The following SLC5A12 variants were observed in gnomAD, a reference collection of about 807,000 sequenced individuals.
SLC5A12 encodes sodium-coupled monocarboxylate transporter 2.
SLC5A12 carries 46 observed loss-of-function variants against 72.7 expected under a neutral mutation model. The observed-to-expected ratio is 0.63, with a 90% CI of 0.50 to 0.81. The LOEUF is 0.81. SLC5A12 is among the 30% of genes least tolerant of loss of function. The probability of loss-of-function intolerance (pLI) is 0.00; values close to 1 mark genes in which losing one functional copy is unlikely to be tolerated. For missense variants in SLC5A12, 683 were observed against 740.7 expected (o/e 0.92, Z 0.90); for synonymous variants, 275 against 264.4 (o/e 1.04, Z -0.39).
chr11:26,681,373 A>G, intron 11 of SLC5A12, 152 bp from the exon 12 acceptor site: 3 of 538,886 alleles, frequency 5.6e-6, no homozygotes, highest in Non-Finnish European at 9.3e-6. Flanking sequence ...AACTGCCTTC[A>G]CCTCAACTCC....
At chr11:26,719,003 C>T (rs1420454007) in intron 1 of SLC5A12, among the ~76,000 whole-genome samples, 1 of 152,010 alleles carries the variant, frequency 6.6e-6, no homozygotes, top group Non-Finnish European at 1.5e-5. Flanking sequence ...AATACTTGTA[C>T]TAATTTATTA....
intron 8 of SLC5A12, among the ~76,000 whole-genome samples, chr11:26,696,326 T>C (rs1854811832): frequency 6.6e-6 from 1 of 152,230 alleles, no homozygotes; most frequent in Non-Finnish European, 1.5e-5. Context: ...TGAATGATTT[T>C]GTATTTAGAA....
intron 6 of SLC5A12, among the ~76,000 whole-genome samples, chr11:26,702,047 T>A (rs1854969625): frequency 6.6e-6 from 1 of 152,194 alleles, no homozygotes; most frequent in African/African-American, 2.4e-5. Flanking sequence ...CAAAGAATCA[T>A]TATTTATTTT....
At chr11:26,701,565 T>C (rs1854958542) in intron 6 of SLC5A12, among the ~76,000 whole-genome samples, 1 of 152,332 alleles carries the variant, frequency 6.6e-6, no homozygotes, top group South Asian at 2.1e-4. Flanking sequence ...ACTACTTTAC[T>C]AAATCAGGTT....
At chr11:26,682,972 C>T (rs903468607) in intron 11 of SLC5A12, among the ~76,000 whole-genome samples, 1 of 152,034 alleles carries the variant, frequency 6.6e-6, no homozygotes. Context: ...GCCACAGAGA[C>T]CTAATCAAGT....
chr11:26,671,364 G>C, intron 14 of SLC5A12, 113 bp from the exon 15 acceptor site: 242 of 787,330 alleles, frequency 3.1e-4, no homozygotes, highest in East Asian at 4.2e-4. Flanking sequence ...ATGTACAAAA[G>C]AAGCATAAAC....
At chr11:26,680,791 C>G (rs564654553) in intron 12 of SLC5A12, among the ~76,000 whole-genome samples, 1 of 152,176 alleles carries the variant, frequency 6.6e-6, no homozygotes, top group East Asian at 1.9e-4. Flanking sequence ...TGTCTTTGAA[C>G]CCTCCACTAT....
At chr11:26,710,913 G>T (rs1007670444) in intron 3 of SLC5A12, among the ~76,000 whole-genome samples, 2 of 151,752 alleles carry the variant, frequency 1.3e-5, no homozygotes, top group Admixed American at 1.3e-4. Flanking sequence ...ATAAATTTTA[G>T]TGTAACTATT....
chr11:26,703,267 A>G (rs941991468), intron 6 of SLC5A12, among the ~76,000 whole-genome samples: 3 of 152,104 alleles, frequency 2.0e-5, no homozygotes, highest in Non-Finnish European at 4.4e-5. Context: ...TAATTTCTCA[A>G]TAAATGGAGG....
intron 13 of SLC5A12, among the ~76,000 whole-genome samples, chr11:26,677,058 T>C (rs1854283031): frequency 6.6e-6 from 1 of 151,752 alleles, no homozygotes; most frequent in Admixed American, 6.6e-5. Context: ...GAAGATTTGT[T>C]AAAGCCTCTT....
intron 3 of SLC5A12, among the ~76,000 whole-genome samples, chr11:26,710,417 G>A (rs375331309): frequency 1.4e-4 from 22 of 152,102 alleles, no homozygotes; most frequent in African/African-American, 4.8e-4. Flanking sequence ...TTGAGGAATC[G>A]CCACACTGTC....
chr11:26,694,190 C>T (rs1854752652), intron 8 of SLC5A12, among the ~76,000 whole-genome samples: 1 of 152,106 alleles, frequency 6.6e-6, no homozygotes, highest in South Asian at 2.1e-4. Flanking sequence ...TTTTCCCCTA[C>T]CTCTCAACCA....
chr11:26,709,685 T>C (rs1372884499), intron 3 of SLC5A12, among the ~76,000 whole-genome samples: 2 of 152,034 alleles, frequency 1.3e-5, no homozygotes, highest in Non-Finnish European at 2.9e-5. Context: ...CTCAACAAAG[T>C]TAGTCTGAGT....
At chr11:26,672,560 A>G (rs1224729310) in intron 14 of SLC5A12, among the ~76,000 whole-genome samples, 1 of 152,088 alleles carries the variant, frequency 6.6e-6, no homozygotes, top group Non-Finnish European at 1.5e-5. Context: ...TGCTTCCCAT[A>G]GACCCCTTTA....
At chr11:26,681,024 G>T in intron 12 of SLC5A12, 31 bp downstream of exon 12, 1 of 1,530,962 alleles carries the variant, frequency 6.5e-7, no homozygotes, top group Non-Finnish European at 8.8e-7. Context: ...CCACTCTCTG[G>T]GACTTAGCAC....
At chr11:26,697,473 A>C (rs1207407205) in intron 7 of SLC5A12, among the ~76,000 whole-genome samples, 1 of 152,110 alleles carries the variant, frequency 6.6e-6, no homozygotes, top group East Asian at 1.9e-4. Context: ...TAAGCCCTAA[A>C]ATCAAGCCCC....
chr11:26,713,101 C>T lies in SLC5A12; in HGVS notation c.340-395G>A, dbSNP rs577908117. ...CTGTTGTGGCACCCCAATTGATCTC[C>T]CTAATACCATCTGTGCCCACTCATC... On this transcript the variant is annotated intron_variant, in intron 1 of 14. Coordinates refer to ENST00000396005, the MANE Select transcript of SLC5A12 (RefSeq NM_178498.4). 1.1e-4 allele frequency among the ~76,000 whole-genome samples: 16 copies of T among 152,148 alleles called. 1 individual carries two copies. The South Asian group carries it at 3.3e-3, about 32-fold the overall frequency.
intron 11 of SLC5A12, among the ~76,000 whole-genome samples, chr11:26,682,080 G>C (rs1366854781): frequency 2.0e-5 from 3 of 151,826 alleles, no homozygotes; most frequent in African/African-American, 7.3e-5. Flanking sequence ...GGCTTTGTAA[G>C]CCATGCAGTA....
intron 5 of SLC5A12, 53 bp from the exon 6 acceptor site, chr11:26,703,724 T>C: frequency 1.9e-6 from 3 of 1,612,994 alleles, no homozygotes; most frequent in East Asian, 2.2e-5. Flanking sequence ...ATGCCTAAGA[T>C]ATTATTTTAG....
Sources: gnomAD v4.1 joint callset for allele counts (sites outside exome capture counted in the v4.1 genomes callset) on GRCh38, gnomAD v4.1.1 for gene constraint, MANE v1.5 for transcripts, NCBI Gene and HGNC (gene_info 2026-07-23, HGNC 2026-07-21) for gene names.